The following RALGAPA2 variants were observed in gnomAD, a reference collection of about 807,000 sequenced individuals.
RALGAPA2 encodes ral GTPase-activating protein subunit alpha-2.
A neutral mutation model predicts 230.4 loss-of-function variants in RALGAPA2; 139 were observed. That is an observed-to-expected ratio of 0.60 (90% CI 0.53 to 0.69). RALGAPA2 has a LOEUF of 0.69. RALGAPA2 is among the 30% of genes least tolerant of loss of function. The probability of loss-of-function intolerance (pLI) is 0.00; values close to 1 mark genes in which losing one functional copy is unlikely to be tolerated. For missense variants in RALGAPA2, 2,163 were observed against 2,276.0 expected (o/e 0.95, Z 1.01); for synonymous variants, 847 against 837.8 (o/e 1.01, Z -0.19).
chr20:20,604,726 G>A (rs1195423888), intron 15 of RALGAPA2, among the ~76,000 whole-genome samples: 1 of 151,166 alleles, frequency 6.6e-6, no homozygotes, highest in Non-Finnish European at 1.5e-5. Context: ...GCTATCGTTA[G>A]TTTTACTGTA....
chr20:20,532,779 C>CT (rs2145577661), intron 26 of RALGAPA2, among the ~76,000 whole-genome samples: 1 of 152,162 alleles, frequency 6.6e-6, no homozygotes, highest in East Asian at 1.9e-4. Context: ...CTGCGTCACT[C>CT]TAACATTCAT....
intron 37 of RALGAPA2, among the ~76,000 whole-genome samples, chr20:20,415,986 C>A (rs2060156947): frequency 6.6e-6 from 1 of 152,140 alleles, no homozygotes; most frequent in Non-Finnish European, 1.5e-5. Context: ...GGAAGGAAGG[C>A]AGGGTTTGAA....
At chr20:20,672,769 G>A (rs1372920252) in intron 3 of RALGAPA2, among the ~76,000 whole-genome samples, 1 of 152,154 alleles carries the variant, frequency 6.6e-6, no homozygotes. Context: ...AGCTAAGAAT[G>A]TTAGAGAACT....
intron 5 of RALGAPA2, among the ~76,000 whole-genome samples, chr20:20,641,098 C>G (rs892143553): frequency 6.6e-6 from 1 of 152,122 alleles, no homozygotes; most frequent in Non-Finnish European, 1.5e-5. Flanking sequence ...CAAATGTAAG[C>G]GCTGCCACTT....
chr20:20,601,871 C>A (rs760487218), intron 15 of RALGAPA2, 25 bp from the exon 16 acceptor site: 2 of 1,561,468 alleles, frequency 1.3e-6, no homozygotes, highest in African/African-American at 1.4e-5. Context: ...GAAAAATAAT[C>A]TAAAGGCTGA....
intron 16 of RALGAPA2, among the ~76,000 whole-genome samples, 191 bp from the exon 17 acceptor site, chr20:20,591,505 C>T (rs557011300): frequency 6.6e-6 from 1 of 152,250 alleles, no homozygotes; most frequent in African/African-American, 2.4e-5. Flanking sequence ...CCAAGAGTAC[C>T]TTTTCCACTT....
At chr20:20,403,179 CAG>C (rs1020887717) in intron 38 of RALGAPA2, among the ~76,000 whole-genome samples, 5 of 152,210 alleles carry the variant, frequency 3.3e-5, no homozygotes, top group Non-Finnish European at 7.3e-5. Flanking sequence ...CTCCTGAGAG[CAG>C]ACACTGCCGT....
intron 36 of RALGAPA2, among the ~76,000 whole-genome samples, chr20:20,491,559 C>A (rs1341061665): frequency 6.6e-6 from 1 of 152,218 alleles, no homozygotes; most frequent in East Asian, 1.9e-4. Context: ...GGGAAAGCAG[C>A]ACGGGTACTC....
At chr20:20,407,620 C>T (rs1161792259) in intron 38 of RALGAPA2, among the ~76,000 whole-genome samples, 2 of 152,174 alleles carry the variant, frequency 1.3e-5, no homozygotes, top group African/African-American at 4.8e-5. Flanking sequence ...AACATAAGTG[C>T]CTCCATCTGC....
At chr20:20,619,951 G>A (rs1009013080) in intron 11 of RALGAPA2, among the ~76,000 whole-genome samples, 2 of 152,068 alleles carry the variant, frequency 1.3e-5, no homozygotes, top group Admixed American at 6.5e-5. Context: ...TATCTAACAT[G>A]GACAGTGGCC....
chr20:20,419,167 G>C (rs943955481), intron 37 of RALGAPA2, among the ~76,000 whole-genome samples: 2 of 152,220 alleles, frequency 1.3e-5, no homozygotes, highest in Admixed American at 1.3e-4. Flanking sequence ...GTTGTACCTG[G>C]GAGGTTCTGA....
chr20:20,661,893 C>G (rs2067794174), intron 3 of RALGAPA2, among the ~76,000 whole-genome samples: 1 of 151,992 alleles, frequency 6.6e-6, no homozygotes, highest in Non-Finnish European at 1.5e-5. Context: ...ATGTAATTTA[C>G]GATATACCTA....
rs148790309 is a variant in RALGAPA2 at position 20,404,636 on chromosome 20, A to C, written c.5617+7391T>G. Among the ~76,000 whole-genome samples the C allele has an allele frequency of 1.6e-3, 251 of 152,324 alleles. 1 individual carries two copies. The highest frequency in any genetic ancestry group is 2.2e-3 in the Non-Finnish European group (147 of 68,034). On this transcript the variant is annotated intron_variant, in intron 38 of 39. Transcript: ENST00000202677. ...ATACATTCTCAAGGTTATTTCAAAT[A>C]AGCTTTAATTAAGAGTTATTTCCAA...
At chr20:20,625,387 A>T (rs887730664) in intron 10 of RALGAPA2, among the ~76,000 whole-genome samples, 66 of 152,232 alleles carry the variant, frequency 4.3e-4, no homozygotes, top group Non-Finnish European at 4.1e-4. Context: ...CTCCTCTATA[A>T]TTACATATAC....
At chr20:20,479,302 A>G (rs2061720195) in intron 36 of RALGAPA2, among the ~76,000 whole-genome samples, 2 of 152,232 alleles carry the variant, frequency 1.3e-5, no homozygotes, top group South Asian at 4.1e-4. Context: ...ATAGGAAAAC[A>G]GAAAATATAC....
chr20:20,566,875 T>C (rs1293119810), intron 23 of RALGAPA2, among the ~76,000 whole-genome samples: 1 of 152,232 alleles, frequency 6.6e-6, no homozygotes. Context: ...TCCAAATATG[T>C]TACTTCAGGG....
chr20:20,476,914 G>A (rs903258518), intron 36 of RALGAPA2, among the ~76,000 whole-genome samples: 7 of 152,034 alleles, frequency 4.6e-5, no homozygotes, highest in Admixed American at 6.6e-5. Context: ...ACAACTACAT[G>A]TAACATCATG....
In RALGAPA2 at chr20:20,712,326, G is replaced by A. The variant is rs1020292465; in HGVS notation, c.106+49C>T. 2 of 1,459,360 alleles carry A rather than the reference G, an allele frequency of 1.4e-6. No individual in the cohort carries two copies. Among genetic ancestry groups the A allele is most frequent in the African/African-American group, 1.4e-5 (1 of 69,534 alleles). The allele number at this position is 1,459,360 out of a possible 1,614,324, so 90.4% of individuals were successfully genotyped here. The stretch of plus-strand genomic sequence containing the variant: ...TGCACAGAGGAGCGCCCTCCCGGCA[G>A]GTGCCCCTAACCCGGCGCCCCGACC... On this transcript the variant is annotated intron_variant, in intron 1 of 39. Coordinates refer to ENST00000202677, the MANE Select transcript of RALGAPA2 (RefSeq NM_020343.4). The surrounding 1 kb of genome is among the most constrained non-coding windows in gnomAD (Gnocchi z 5.5).
intron 36 of RALGAPA2, among the ~76,000 whole-genome samples, chr20:20,484,360 C>T (rs2061853389): frequency 6.6e-6 from 1 of 152,086 alleles, no homozygotes; most frequent in Non-Finnish European, 1.5e-5. Context: ...AGGCCATGCA[C>T]CACCCTCCAG....
Sources: gnomAD v4.1 joint callset for allele counts (sites outside exome capture counted in the v4.1 genomes callset) on GRCh38, gnomAD v4.1.1 for gene constraint, Gnocchi (gnomAD v3.1) non-coding constraint, MANE v1.5 for transcripts, NCBI Gene and HGNC (gene_info 2026-07-23, HGNC 2026-07-21) for gene names.